The following STAP2 variants were observed in gnomAD, a reference collection of about 807,000 sequenced individuals.
STAP2 encodes the protein signal transducing adaptor family member 2, also known as signal-transducing adaptor protein 2.
Under a neutral mutation model 52.7 loss-of-function variants are expected in STAP2, and 58 were observed. The observed-to-expected ratio is 1.10, with a 90% CI of 0.89 to 1.37. The LOEUF is 1.37. Ranked by LOEUF, STAP2 falls within the 40% of genes most tolerant of loss-of-function variation. The pLI, the probability that STAP2 is intolerant of heterozygous loss-of-function variation, is 0.00. For missense variants in STAP2, 522 were observed against 519.4 expected (o/e 1.00, Z -0.05); for synonymous variants, 231 against 210.5 (o/e 1.10, Z -0.84).
chr19:4,330,734 G>C (rs974519460), intron 4 of STAP2, among the ~76,000 whole-genome samples: 1 of 43,700 alleles, frequency 2.3e-5, no homozygotes, highest in Non-Finnish European at 4.7e-5. Flanking sequence ...TTTTTTTTTT[G>C]AGATGGAGTT....
chr19:4,324,152 C>T lies in STAP2; in HGVS notation c.1193G>A (p.Arg398Lys), dbSNP rs762605805. ...TCCGAATCAGTGCTCCAGTGCCCGC[C>T]TCTTCTCCAGCTTCTTCTGTAGCTC... is the stretch of plus-strand genomic sequence containing the variant. Reference protein sequence around the residue: ...TAELQKKLEKRRALEH With the variant: ...TAELQKKLEKKRALEH The change falls in exon 13 of 13, where the codon AGG becomes AAG. Residue 398 changes from arginine to lysine, a missense_variant. Arg to Lys is a conservative substitution (Grantham distance 26). Coordinates refer to ENST00000594605, the MANE Select transcript of STAP2 (RefSeq NM_001013841.2). The T allele has an allele frequency of 3.9e-6, 6 of 1,551,506 alleles. No individual in the cohort carries two copies. In the African/African-American group the frequency reaches 8.2e-5, roughly 21 times the overall value.
intron 5 of STAP2, 98 bp downstream of exon 5, chr19:4,329,863 G>C: frequency 9.5e-6 from 3 of 316,320 alleles, no homozygotes; most frequent in Non-Finnish European, 1.6e-5. Context: ...CAAAATCCAA[G>C]ACCCAACTCC....
intron 2 of STAP2, 55 bp from the exon 3 acceptor site, chr19:4,333,871 C>T: frequency 3.1e-6 from 5 of 1,612,942 alleles, no homozygotes; most frequent in Non-Finnish European, 3.4e-6. Flanking sequence ...TCCAGGCCCC[C>T]TGGATGATGT....
rs1407733649 is a variant in STAP2 at position 4,332,043 on chromosome 19, G to C, written c.333C>G (p.Gly111=). The C allele has an allele frequency of 4.3e-6, 7 of 1,613,084 alleles. No homozygotes were observed. The highest frequency in any genetic ancestry group is 5.9e-6 in the Non-Finnish European group (7 of 1,179,798). The change falls in exon 4 of 13, where the codon GGC becomes GGG. Residue 111 remains glycine, a synonymous_variant. Coordinates refer to ENST00000594605, the MANE Select transcript of STAP2 (RefSeq NM_001013841.2). ...TTACCTCCACCACCGTTAAGATGAA[G>C]CCTTTCCACATTTCCCGACACTCCA... ...ETLECREMWK[G]FILTVVELRV...
At position 4,338,662 on chromosome 19, in the gene STAP2, G is replaced by A; in HGVS notation, c.92C>T (p.Pro31Leu). The A allele has an allele frequency of 1.9e-6, 3 of 1,586,046 alleles. No homozygotes were observed. The highest frequency in any genetic ancestry group is 1.7e-5 in the Admixed American group (1 of 59,010). Residue 31 changes from proline (P) to leucine (L), a missense_variant, in exon 1 of 13, where the codon CCC (proline) becomes CTC (leucine). Coordinates refer to ENST00000594605, the MANE Select transcript of STAP2 (RefSeq NM_001013841.2). Reference sequence around the variant, plus strand: ...GCCTCCCCACCTTACCCGGTCACAGGGCCCCTTCTTCTCTAGAAAGCTCTC... The same window carrying A: ...GCCTCCCCACCTTACCCGGTCACAGAGCCCCTTCTTCTCTAGAAAGCTCTC... ...YYESFLEKKG[P>L]CDRDYKKFWA... is the part of the protein sequence containing the mutation.
intron 6 of STAP2, 75 bp from the exon 7 acceptor site, chr19:4,327,460 C>CTCCA: frequency 6.6e-7 from 1 of 1,512,062 alleles, no homozygotes. Context: ...CCCGCCCCAA[C>CTCCA]TCCAGGCTCC....
rs572443050 is a variant in STAP2, at chr19:4,336,608, C to T, written c.102+2044G>A. On this transcript the variant is annotated intron_variant, in intron 1 of 12. Transcript: ENST00000594605. ...GGTTACAGGCGTGAGCCACCACGCC[C>T]GGCCCCCATTATCTTTCTTTTCTTT... 4.0e-5 allele frequency among the ~76,000 whole-genome samples: 6 copies of T among 151,852 alleles called. No individual in the cohort carries two copies. In the South Asian group the frequency reaches 6.3e-4, roughly 16 times the overall value.
chr19:4,333,961 T>C lies in STAP2; in HGVS notation c.174+12A>G. Reference sequence around the variant, plus strand: ...GGAAGGCCTGCTCTGGAGCCTCCATTCCCATCCTTACCTGGAAGTCCCGAT... The same window carrying C: ...GGAAGGCCTGCTCTGGAGCCTCCATCCCCATCCTTACCTGGAAGTCCCGAT... On this transcript the variant is annotated intron_variant, in intron 2 of 12. Coordinates refer to ENST00000594605, the MANE Select transcript of STAP2 (RefSeq NM_001013841.2). The C allele has an allele frequency of 6.2e-7, 1 of 1,613,052 alleles. No homozygotes were observed. The highest frequency in any genetic ancestry group is 8.5e-7 in the Non-Finnish European group (1 of 1,179,538).
chr19:4,332,893 C>T (rs1433594638), intron 3 of STAP2, among the ~76,000 whole-genome samples: 3 of 151,506 alleles, frequency 2.0e-5, no homozygotes, highest in Non-Finnish European at 4.4e-5. Flanking sequence ...CTCTCATGCT[C>T]TAAACCCTCC....
chr19:4,333,365 G>A (rs573490483), intron 3 of STAP2, among the ~76,000 whole-genome samples: 3 of 141,138 alleles, frequency 2.1e-5, no homozygotes, highest in African/African-American at 8.0e-5. Context: ...GAGTGGTTGC[G>A]TGCGCCTGTA....
chr19:4,336,691 A>G (rs564366990), intron 1 of STAP2, among the ~76,000 whole-genome samples: 2 of 151,036 alleles, frequency 1.3e-5, no homozygotes, highest in East Asian at 3.9e-4. Flanking sequence ...TTTGAGTGCA[A>G]TGGCTTGATC....
chr19:4,327,897 C>T (rs1971820840), intron 6 of STAP2, among the ~76,000 whole-genome samples: 1 of 151,000 alleles, frequency 6.6e-6, no homozygotes, highest in Non-Finnish European at 1.5e-5. Flanking sequence ...CCAGGGCTGG[C>T]TCCGCCTCCA....
chr19:4,328,939 C>T, intron 5 of STAP2, 130 bp from the exon 6 acceptor site: 1 of 1,299,300 alleles, frequency 7.7e-7, no homozygotes, highest in Non-Finnish European at 1.0e-6. Context: ...CCCTGCTCTC[C>T]AGACCCAGGC....
chr19:4,327,996 G>C (rs1971822508), intron 6 of STAP2, among the ~76,000 whole-genome samples: 1 of 151,982 alleles, frequency 6.6e-6, no homozygotes, highest in Non-Finnish European at 1.5e-5. Context: ...CCCATCCCTG[G>C]ATTTGACTTC....
chr19:4,334,774 A>ATC (rs1971946561), intron 1 of STAP2, among the ~76,000 whole-genome samples: 1 of 16,560 alleles, frequency 6.0e-5, no homozygotes. Flanking sequence ...ATCCACCCAC[A>ATC]CATCCATCTG....
At chr19:4,324,693 G>A (rs60181022) in intron 11 of STAP2, 164 bp from the exon 12 acceptor site, 7,533 of 613,320 alleles carry the variant, frequency 0.012, 167 homozygotes, top group African/African-American at 0.075. Flanking sequence ...TTAGATGGAC[G>A]TGGTGGCAGG....
chr19:4,337,919 C>T (rs1972005212), intron 1 of STAP2, among the ~76,000 whole-genome samples: 2 of 152,144 alleles, frequency 1.3e-5, no homozygotes, highest in Non-Finnish European at 2.9e-5. Flanking sequence ...ACTCAGGAGG[C>T]TGGGGCGGGA....
Position 4,328,669 on chromosome 19 carries a change from G to A in STAP2, c.590+6C>T, listed in dbSNP as rs1207010274. On this transcript the variant is annotated splice_donor_region_variant and intron_variant, in intron 6 of 12. Coordinates refer to ENST00000594605, the MANE Select transcript of STAP2 (RefSeq NM_001013841.2). The stretch of plus-strand genomic sequence containing the variant: ...CACCCAGGGCTCTCCAGACGCGCAT[G>A]CGCACCCGTTGTGCATCTGCCGCGT... 2 of 1,544,436 alleles carry A rather than the reference G, an allele frequency of 1.3e-6. No individual in the cohort carries two copies.
At chr19:4,324,978 C>T in intron 11 of STAP2, 3 of 411,566 alleles carry the variant, frequency 7.3e-6, no homozygotes, top group Non-Finnish European at 1.3e-5. Flanking sequence ...ACTAAAAATA[C>T]AAAAAAAAAA....
Sources: gnomAD v4.1 joint callset for allele counts (sites outside exome capture counted in the v4.1 genomes callset) on GRCh38, gnomAD v4.1.1 for gene constraint, MANE v1.5 for transcripts, NCBI Gene and HGNC (gene_info 2026-07-23, HGNC 2026-07-21) for gene names.